PLAC1: variants seen among roughly 807,000 people sequenced by gnomAD.
The protein encoded by PLAC1 is placenta associated 1.
For synonymous variants in PLAC1, 68 were observed against 62.1 expected, an observed-to-expected ratio of 1.09 and a Z score of -0.44; for missense variants, 136 against 163.2, an observed-to-expected ratio of 0.83 and a Z score of 0.91.
intron 2 of PLAC1, among the ~76,000 whole-genome samples, chrX:134,587,449 T>C (rs1239484575): frequency 4.5e-5 from 5 of 110,840 alleles, no homozygotes; most frequent in South Asian, 3.9e-4. Flanking sequence ...GTCATGGTTG[T>C]TGGCACCTAT....
At chrX:134,584,612 G>A (rs546674724) in intron 2 of PLAC1, among the ~76,000 whole-genome samples, 2 of 110,332 alleles carry the variant, frequency 1.8e-5, no homozygotes, top group Admixed American at 1.9e-4. Flanking sequence ...AGGGTTTCTC[G>A]GTGCCCTTCA....
chrX:134,585,518 C>T (rs1602801745), intron 2 of PLAC1, among the ~76,000 whole-genome samples: 1 of 110,751 alleles, frequency 9.0e-6, no homozygotes, highest in Non-Finnish European at 1.9e-5. Context: ...TGAGGGATAT[C>T]TGTGAGTTGC....
chrX:134,620,828 T>G (rs1439822093), intron 1 of PLAC1, among the ~76,000 whole-genome samples: 1 of 112,886 alleles, frequency 8.9e-6, no homozygotes, highest in Admixed American at 9.4e-5. Flanking sequence ...CATTCTGTCA[T>G]ATATTAATTC....
intron 1 of PLAC1, among the ~76,000 whole-genome samples, chrX:134,632,172 T>A (rs914480588): frequency 8.9e-6 from 1 of 111,775 alleles, no homozygotes; most frequent in African/African-American, 3.3e-5. Flanking sequence ...ATGAGCTCCC[T>A]GGGGACTTAG....
intron 1 of PLAC1, among the ~76,000 whole-genome samples, chrX:134,637,318 T>C (rs1296184270): frequency 9.0e-6 from 1 of 111,397 alleles, no homozygotes; most frequent in African/African-American, 3.3e-5. Context: ...GAAGAAGACA[T>C]TGACCAGGCT....
At chrX:134,581,881 A>C (rs759162147) in intron 2 of PLAC1, among the ~76,000 whole-genome samples, 36 of 111,591 alleles carry the variant, frequency 3.2e-4, no homozygotes, top group African/African-American at 1.1e-3. Context: ...AGAAATCAAG[A>C]CTGGGGTATT....
At chrX:134,734,430 T>TA (rs1279055165) in intron 1 of PLAC1, among the ~76,000 whole-genome samples, 1 of 112,272 alleles carries the variant, frequency 8.9e-6, no homozygotes, top group East Asian at 2.8e-4. Flanking sequence ...CTGCAGGAGT[T>TA]AAAATGCAGG....
At chrX:134,752,373 C>T (rs928090838) in intron 1 of PLAC1, among the ~76,000 whole-genome samples, 1 of 111,495 alleles carries the variant, frequency 9.0e-6, no homozygotes, top group African/African-American at 3.3e-5. Context: ...ATGCAATAAG[C>T]CTGCAGCAAA....
At chrX:134,616,551 G>C (rs1384095866) in intron 1 of PLAC1, among the ~76,000 whole-genome samples, 1 of 109,417 alleles carries the variant, frequency 9.1e-6, no homozygotes, top group South Asian at 4.1e-4. Context: ...CAGGAGAATG[G>C]TGTGAACCCG....
chrX:134,586,266 G>C (rs1299088503), intron 2 of PLAC1, among the ~76,000 whole-genome samples: 2 of 111,850 alleles, frequency 1.8e-5, no homozygotes, highest in African/African-American at 6.5e-5. Flanking sequence ...CTGGAGGGAG[G>C]AGAAGGCAAA....
intron 2 of PLAC1, among the ~76,000 whole-genome samples, chrX:134,682,873 A>G (rs183650993): frequency 2.7e-5 from 3 of 111,314 alleles, no homozygotes; most frequent in Non-Finnish European, 5.7e-5. Context: ...GCTCTTGACT[A>G]GAGGATGTCA....
At chrX:134,666,051 C>T (rs1182739564) in intron 2 of PLAC1, among the ~76,000 whole-genome samples, 1 of 111,497 alleles carries the variant, frequency 9.0e-6, no homozygotes, top group African/African-American at 3.3e-5. Context: ...GGGATCTAAG[C>T]AGTGCATCTC....
intron 1 of PLAC1, among the ~76,000 whole-genome samples, chrX:134,760,763 C>T (rs2078767827): frequency 9.0e-6 from 1 of 111,606 alleles, no homozygotes; most frequent in Admixed American, 9.6e-5. Context: ...CCTCACATTC[C>T]TTGAATCCGG....
intron 1 of PLAC1, among the ~76,000 whole-genome samples, chrX:134,613,316 G>A (rs2078163193): frequency 9.0e-6 from 1 of 110,879 alleles, no homozygotes; most frequent in Non-Finnish European, 1.9e-5. Flanking sequence ...GACCTGTGAA[G>A]GCTGAGAGAG....
chrX:134,719,438 T>G (rs1158324083), intron 2 of PLAC1, among the ~76,000 whole-genome samples: 2 of 112,066 alleles, frequency 1.8e-5, no homozygotes, highest in Non-Finnish European at 3.8e-5. Flanking sequence ...TCTCCATAGA[T>G]GCAGAACAAG....
At chrX:134,631,812 T>C (rs779064224) in intron 1 of PLAC1, among the ~76,000 whole-genome samples, 4 of 112,153 alleles carry the variant, frequency 3.6e-5, no homozygotes, top group Admixed American at 9.5e-5. Flanking sequence ...AAACGGGCTT[T>C]AACGTTGCAG....
chrX:134,630,904 G>C (rs1017756170), intron 1 of PLAC1, among the ~76,000 whole-genome samples: 2 of 111,947 alleles, frequency 1.8e-5, no homozygotes, highest in Non-Finnish European at 1.9e-5. Context: ...TGCTGCACCT[G>C]AGGAGGAATC....
intron 2 of PLAC1, among the ~76,000 whole-genome samples, chrX:134,672,764 A>T (rs1385601070): frequency 8.8e-6 from 1 of 113,006 alleles, no homozygotes. Context: ...ACTATACATA[A>T]GTTGCTGCAC....
chrX:134,610,343 C>T (rs2078146525), intron 1 of PLAC1, among the ~76,000 whole-genome samples: 1 of 111,028 alleles, frequency 9.0e-6, no homozygotes, highest in Non-Finnish European at 1.9e-5. Context: ...CCCCCTCAAC[C>T]CACCAATGGT....
Sources: allele counts gnomAD v4.1 joint callset (sites outside exome capture counted in the v4.1 genomes callset), GRCh38; gene constraint gnomAD v4.1.1; transcripts MANE v1.5; gene names NCBI Gene and HGNC (gene_info 2026-07-23, HGNC 2026-07-21).